Variants in LEKR1 observed in about 807,000 individuals in gnomAD.
LEKR1 encodes leucine, glutamate and lysine rich 1.
In LEKR1, 59 loss-of-function variants were observed where a neutral mutation model predicts 72.4. The ratio of observed to expected loss-of-function variants is 0.82; its 90% CI spans 0.66 to 1.01. LEKR1 has a LOEUF of 1.01. Among genes scored for constraint, LEKR1 ranks in the 50% least tolerant of loss-of-function variants. LEKR1 has a pLI of 0.00. For missense variants in LEKR1, 728 were observed against 759.2 expected (o/e 0.96, Z 0.48); for synonymous variants, 257 against 263.2 (o/e 0.98, Z 0.23).
intron 3 of LEKR1, among the ~76,000 whole-genome samples, chr3:156,897,392 C>G (rs1048887424): frequency 6.6e-6 from 1 of 152,154 alleles, no homozygotes; most frequent in South Asian, 2.1e-4. Context: ...CATGACACAG[C>G]CCTCAGGAGG....
intron 10 of LEKR1, among the ~76,000 whole-genome samples, chr3:157,015,878 A>G (rs1450955452): frequency 6.6e-6 from 1 of 152,174 alleles, no homozygotes; most frequent in Non-Finnish European, 1.5e-5. Flanking sequence ...TATAAAAAAG[A>G]CCAGTTACTG....
At chr3:156,988,890 G>A (rs1472646196) in intron 7 of LEKR1, among the ~76,000 whole-genome samples, 1 of 152,130 alleles carries the variant, frequency 6.6e-6, no homozygotes, top group Non-Finnish European at 1.5e-5. Flanking sequence ...GGAGTGCAAT[G>A]GTGCGATCTC....
At chr3:156,945,787 C>G (rs1726624238) in intron 6 of LEKR1, among the ~76,000 whole-genome samples, 1 of 151,612 alleles carries the variant, frequency 6.6e-6, no homozygotes, top group South Asian at 2.1e-4. Flanking sequence ...TGTATGTTTT[C>G]TGTTCTGTTC....
At chr3:157,042,684 T>A (rs546431065) in intron 12 of LEKR1, among the ~76,000 whole-genome samples, 2 of 152,354 alleles carry the variant, frequency 1.3e-5, no homozygotes, top group African/African-American at 4.8e-5. Context: ...ATTGAATTTA[T>A]TTTTCTTTTA....
chr3:156,952,601 A>G (rs1205823544), intron 6 of LEKR1, among the ~76,000 whole-genome samples: 1 of 151,420 alleles, frequency 6.6e-6, no homozygotes, highest in Admixed American at 6.6e-5. Flanking sequence ...ACTCTAATAC[A>G]TTTCTGGGTG....
At chr3:156,983,967 A>G (rs532182222) in intron 7 of LEKR1, among the ~76,000 whole-genome samples, 1 of 152,170 alleles carries the variant, frequency 6.6e-6, no homozygotes, top group Non-Finnish European at 1.5e-5. Context: ...TCACACAGAA[A>G]ATCCTTAACA....
chr3:156,947,184 T>G (rs182750970), intron 6 of LEKR1, among the ~76,000 whole-genome samples: 7 of 151,294 alleles, frequency 4.6e-5, no homozygotes, highest in Admixed American at 2.6e-4. Flanking sequence ...TGCTTTAAGA[T>G]GCATTGTTAT....
At chr3:156,964,550 C>T (rs548907410) in intron 6 of LEKR1, among the ~76,000 whole-genome samples, 1 of 151,964 alleles carries the variant, frequency 6.6e-6, no homozygotes, top group Non-Finnish European at 1.5e-5. Flanking sequence ...AGAATTAATT[C>T]TTAAGAGTGC....
intron 3 of LEKR1, among the ~76,000 whole-genome samples, chr3:156,917,561 G>T (rs965878865): frequency 6.6e-5 from 10 of 152,156 alleles, no homozygotes; most frequent in African/African-American, 2.2e-4. Context: ...AATGTCATTG[G>T]ATTTCTCAGC....
chr3:156,879,355 G>C (rs62275191), intron 3 of LEKR1, among the ~76,000 whole-genome samples: 4,845 of 152,270 alleles, frequency 0.032, 116 homozygotes, highest in Non-Finnish European at 0.048. Flanking sequence ...CTGCCCTAGA[G>C]ATTTGTAGAA....
intron 11 of LEKR1, among the ~76,000 whole-genome samples, chr3:157,026,533 C>G (rs1734203303): frequency 1.3e-5 from 2 of 152,196 alleles, no homozygotes; most frequent in African/African-American, 4.8e-5. Context: ...GCAGACCTGA[C>G]AGTGGCCTTC....
At chr3:156,945,389 T>C (rs927871313) in intron 6 of LEKR1, among the ~76,000 whole-genome samples, 2 of 151,898 alleles carry the variant, frequency 1.3e-5, no homozygotes, top group South Asian at 2.1e-4. Context: ...ACTTTGTTGA[T>C]GGTTTCCTTT....
chr3:156,984,285 A>G (rs1175168169), intron 7 of LEKR1, among the ~76,000 whole-genome samples: 1 of 152,154 alleles, frequency 6.6e-6, no homozygotes, highest in Middle Eastern at 3.2e-3. Flanking sequence ...AATGCTTTAC[A>G]CTTTGGATAT....
chr3:157,043,377 C>T (rs1735509099), intron 12 of LEKR1, among the ~76,000 whole-genome samples: 1 of 152,110 alleles, frequency 6.6e-6, no homozygotes, highest in Non-Finnish European at 1.5e-5. Context: ...TTGGGTCTTC[C>T]CCCCACTTTA....
chr3:156,848,998 C>T (rs1354190146), intron 2 of LEKR1, among the ~76,000 whole-genome samples: 1 of 150,756 alleles, frequency 6.6e-6, no homozygotes, highest in Non-Finnish European at 1.5e-5. Flanking sequence ...GATTGTATAT[C>T]TAGAAAACCC....
intron 3 of LEKR1, among the ~76,000 whole-genome samples, chr3:156,902,158 A>G (rs1350502255): frequency 6.7e-5 from 10 of 150,144 alleles, no homozygotes; most frequent in African/African-American, 2.3e-4. Flanking sequence ...CACTCTTTTC[A>G]TAGTTTCAAA....
intron 3 of LEKR1, among the ~76,000 whole-genome samples, chr3:156,896,407 A>G (rs58158797): frequency 0.067 from 10,140 of 152,196 alleles, 408 homozygotes; most frequent in African/African-American, 0.11. Flanking sequence ...ACAGATGGCT[A>G]TCTTCTCAAA....
intron 10 of LEKR1, among the ~76,000 whole-genome samples, chr3:157,022,845 C>A (rs1017421234): frequency 2.0e-5 from 3 of 152,158 alleles, no homozygotes; most frequent in Non-Finnish European, 2.9e-5. Context: ...GCTAATAAAT[C>A]ATCAGTAGCC....
intron 12 of LEKR1, among the ~76,000 whole-genome samples, chr3:157,033,392 T>A (rs184610329): frequency 1.1e-4 from 17 of 152,268 alleles, no homozygotes; most frequent in Middle Eastern, 3.4e-3. Flanking sequence ...AATACATGAA[T>A]GATAAGAAAA....
Sources: gnomAD v4.1 joint callset for allele counts (sites outside exome capture counted in the v4.1 genomes callset) on GRCh38, gnomAD v4.1.1 for gene constraint, MANE v1.5 for transcripts, NCBI Gene and HGNC (gene_info 2026-07-23, HGNC 2026-07-21) for gene names.